Variants in ASB3 observed in about 807,000 individuals in gnomAD.
ASB3 encodes ankyrin repeat and SOCS box containing 3.
In ASB3, 41 loss-of-function variants were observed where a neutral mutation model predicts 54.5. The ratio of observed to expected loss-of-function variants is 0.75; its 90% CI spans 0.59 to 0.98. ASB3 has a LOEUF of 0.98. Ranked by LOEUF, ASB3 falls within the 50% of genes least tolerant of loss-of-function variation. The pLI, the probability that ASB3 is intolerant of heterozygous loss-of-function variation, is 0.00. For synonymous variants in ASB3, 266 were observed against 221.2 expected (o/e 1.20, Z -1.80); for missense variants, 733 against 620.0 (o/e 1.18, Z -1.94).
intron 1 of ASB3, among the ~76,000 whole-genome samples, chr2:53,776,741 C>A (rs1674359975): frequency 6.6e-6 from 1 of 152,126 alleles, no homozygotes; most frequent in African/African-American, 2.4e-5. Flanking sequence ...ATTGCCTGAA[C>A]CCAGGAGTTC....
At chr2:53,742,965 G>T (rs1672015552) in intron 3 of ASB3, among the ~76,000 whole-genome samples, 1 of 152,108 alleles carries the variant, frequency 6.6e-6, no homozygotes, top group South Asian at 2.1e-4. Context: ...AGAGAAAACT[G>T]ATAAGGAATG....
chr2:53,731,978 G>C (rs537718794), intron 3 of ASB3, among the ~76,000 whole-genome samples: 1 of 151,424 alleles, frequency 6.6e-6, no homozygotes, highest in Non-Finnish European at 1.5e-5. Context: ...TTTATTTTGA[G>C]ATGGAGTCTC....
At chr2:53,769,482 T>C (rs546851237) in intron 1 of ASB3, among the ~76,000 whole-genome samples, 2 of 152,220 alleles carry the variant, frequency 1.3e-5, no homozygotes, top group African/African-American at 4.8e-5. Flanking sequence ...CATTGAGATA[T>C]GTATGCTGTC....
chr2:53,670,483 T>G lies in ASB3; in HGVS notation c.*20A>C, dbSNP rs1487911102. ...ATTTTTCAGAGAAAAAAATTAGCTG[T>G]GTTAAGTAGTTTCACTGATTTATCC... On this transcript the variant is annotated 3_prime_UTR_variant, in exon 10 of 10. Coordinates refer to ENST00000263634, the MANE Select transcript of ASB3 (RefSeq NM_016115.5). 1.2e-6 allele frequency: 2 copies of G among 1,607,602 alleles called. No individual in the cohort carries two copies. Among genetic ancestry groups the G allele is most frequent in the South Asian group, 2.2e-5 (2 of 89,808 alleles).
chr2:53,778,588 C>T (rs1674481120), intron 1 of ASB3, among the ~76,000 whole-genome samples: 2 of 152,184 alleles, frequency 1.3e-5, no homozygotes, highest in Non-Finnish European at 2.9e-5. Flanking sequence ...CTCTCTGCTT[C>T]TTTTAGTTCA....
At chr2:53,683,487 G>T (rs542936965) in intron 9 of ASB3, among the ~76,000 whole-genome samples, 4 of 151,954 alleles carry the variant, frequency 2.6e-5, no homozygotes. Flanking sequence ...GGTAATACTG[G>T]CCTCATACAG....
Position 53,727,715 on chromosome 2 carries a change from T to TTTTC in ASB3, c.604+993_604+996dup, listed in dbSNP as rs762229234. On this transcript the variant is annotated intron_variant, in intron 5 of 9. Coordinates refer to ENST00000263634, the MANE Select transcript of ASB3 (RefSeq NM_016115.5). Reference sequence around the variant, plus strand: ...AAAGGAAGTTTATAAAAAGCCTGGGTTTTCTTTCTTTCTTTCTTTCTTTTT... The same window carrying TTTTC: ...AAAGGAAGTTTATAAAAAGCCTGGGTTTTCTTTCTTTCTTTCTTTCTTTCTTTTT... Among the ~76,000 whole-genome samples the TTTTC allele has an allele frequency of 1.4e-4, 22 of 151,818 alleles. No individual in the cohort carries two copies. The East Asian group carries it at 2.3e-3, about 16-fold the overall frequency.
At chr2:53,674,267 C>A (rs888569182) in intron 9 of ASB3, among the ~76,000 whole-genome samples, 4 of 152,152 alleles carry the variant, frequency 2.6e-5, no homozygotes, top group Non-Finnish European at 4.4e-5. Flanking sequence ...TGAAACCATG[C>A]TACACTTCTA....
intron 9 of ASB3, among the ~76,000 whole-genome samples, chr2:53,685,526 C>T (rs889517833): frequency 6.6e-6 from 1 of 152,328 alleles, no homozygotes; most frequent in East Asian, 1.9e-4. Flanking sequence ...TTATTTCCAA[C>T]TTAGCATATT....
At chr2:53,709,351 G>C (rs533325752) in intron 7 of ASB3, among the ~76,000 whole-genome samples, 1 of 152,312 alleles carries the variant, frequency 6.6e-6, no homozygotes, top group South Asian at 2.1e-4. Context: ...CAGAATTTAA[G>C]AGTTGAGGTT....
chr2:53,721,123 TATAA>T (rs35978677), intron 5 of ASB3, among the ~76,000 whole-genome samples: 11,123 of 141,386 alleles, frequency 0.079, 485 homozygotes, highest in Non-Finnish European at 0.095. Flanking sequence ...TCTCCAGAAA[TATAA>T]ATAAATAAAT....
chr2:53,757,127 C>T (rs1440705111), intron 2 of ASB3, among the ~76,000 whole-genome samples: 3 of 152,198 alleles, frequency 2.0e-5, no homozygotes, highest in Admixed American at 6.5e-5. Flanking sequence ...ACCTCAAAAG[C>T]GGTGAGTAAT....
At chr2:53,678,174 A>C (rs2058953) in intron 9 of ASB3, among the ~76,000 whole-genome samples, 17,411 of 152,000 alleles carry the variant, frequency 0.11, 1,034 homozygotes, top group East Asian at 0.18. Context: ...TGTGTGCCTA[A>C]AATTTACTAT....
intron 3 of ASB3, among the ~76,000 whole-genome samples, chr2:53,746,837 T>C (rs17521418): frequency 0.1 from 15,696 of 152,108 alleles, 1,037 homozygotes; most frequent in Non-Finnish European, 0.15. Flanking sequence ...TTAAATACTA[T>C]ATTGGCCAGG....
chr2:53,726,121 T>C (rs1382493972), intron 5 of ASB3, among the ~76,000 whole-genome samples: 1 of 152,064 alleles, frequency 6.6e-6, no homozygotes, highest in Admixed American at 6.5e-5. Flanking sequence ...TTTCAACTGA[T>C]TATTCAAAAC....
At chr2:53,692,745 C>G (rs374345511) in intron 9 of ASB3, among the ~76,000 whole-genome samples, 30 of 152,258 alleles carry the variant, frequency 2.0e-4, no homozygotes, top group African/African-American at 6.7e-4. Flanking sequence ...GTTCTCAAAT[C>G]CATTGTTCCA....
chr2:53,728,584 T>C, intron 5 of ASB3, 128 bp downstream of exon 5: 1 of 1,237,960 alleles, frequency 8.1e-7, no homozygotes, highest in Non-Finnish European at 1.1e-6. Context: ...TATTTACTCT[T>C]ATTTACCACT....
Position 53,718,796 on chromosome 2 carries a change from C to G in ASB3, c.605-2053G>C, listed in dbSNP as rs538857923. On this transcript the variant is annotated intron_variant, in intron 5 of 9. Transcript: ENST00000263634. The stretch of plus-strand genomic sequence containing the variant: ...AAAAAAGAAAGAAAAAAGACCCATC[C>G]ATCTGCTGCCTTCAAGAGACACGTC... 2.6e-3 allele frequency among the ~76,000 whole-genome samples: 388 copies of G among 151,894 alleles called. 4 individuals are homozygous for G. The highest frequency in any genetic ancestry group is 8.9e-3 in the African/African-American group (367 of 41,448).
At chr2:53,745,752 A>G (rs1337820601) in intron 3 of ASB3, among the ~76,000 whole-genome samples, 1 of 152,176 alleles carries the variant, frequency 6.6e-6, no homozygotes, top group Admixed American at 6.5e-5. Flanking sequence ...CCCTTGAGGG[A>G]GAGAAACAAA....
Sources: allele counts gnomAD v4.1 joint callset (sites outside exome capture counted in the v4.1 genomes callset), GRCh38; gene constraint gnomAD v4.1.1; transcripts MANE v1.5; gene names NCBI Gene and HGNC (gene_info 2026-07-23, HGNC 2026-07-21).